The following RFC3 variants were observed in gnomAD, a reference collection of about 807,000 sequenced individuals.
RFC3 encodes replication factor C subunit 3.
In RFC3, 41 loss-of-function variants were observed where a neutral mutation model predicts 45.1. That is an observed-to-expected ratio of 0.91 (90% CI 0.71 to 1.18). RFC3 has a LOEUF of 1.18. Ranked by LOEUF, RFC3 falls within the 50% of genes most tolerant of loss-of-function variation. RFC3 has a pLI of 0.00. For missense variants in RFC3, 423 were observed against 428.1 expected, an observed-to-expected ratio of 0.99 and a Z score of 0.10; for synonymous variants, 149 against 144.0, an observed-to-expected ratio of 1.03 and a Z score of -0.25.
intron 8 of RFC3, chr13:33,846,257 A>C (rs1183293285): frequency 6.6e-6 from 1 of 152,266 alleles, no homozygotes; most frequent in African/African-American, 2.4e-5. Context: ...CAAGACATAC[A>C]GCAAATACTG....
chr13:33,976,940 A>T, the RFC3 span, among the ~76,000 whole-genome samples: 1 of 152,158 alleles, frequency 6.6e-6, no homozygotes, highest in East Asian at 1.9e-4. Context: ...CAGGTAGTCA[A>T]GGTTAGCAAT....
rs189628479 is a variant in RFC3, at chr13:33,936,078, G to A, written c.880-30009G>A. Among the ~76,000 whole-genome samples the A allele has an allele frequency of 5.3e-5, 8 of 152,240 alleles. No individual in the cohort carries two copies. The East Asian group carries it at 7.7e-4, about 15-fold the overall frequency. On this transcript the variant is annotated intron_variant, in intron 8 of 8. Coordinates refer to the RFC3 transcript ENST00000434425. ...AGTGTGTGCACTTGTATGGGATGAC[G>A]GGTTGGGGTGACTGCAGGTGAAGGA...
chr13:33,836,871 A>T lies in RFC3; in HGVS notation c.*576A>T. 2.0e-6 allele frequency: 2 copies of T among 984,428 alleles called. No individual in the cohort carries two copies. The highest frequency in any genetic ancestry group is 2.4e-6 in the Non-Finnish European group (2 of 829,084). The allele number at this position is 984,428 out of a possible 1,614,324, so 61.0% of individuals were successfully genotyped here. A position where few individuals can be genotyped will look rare whatever the true frequency, so the allele number is the denominator to read the frequency against. The stretch of plus-strand genomic sequence containing the variant: ...TTCAGATTAGTATTAGGTCGGTACT[A>T]AGAAATAAGCATGTTTTCACTAATT... On this transcript the variant is annotated 3_prime_UTR_variant, in exon 9 of 9. Transcript: ENST00000380071.
At chr13:33,917,420 C>T (rs1161511886) in intron 8 of RFC3, among the ~76,000 whole-genome samples, 2 of 152,118 alleles carry the variant, frequency 1.3e-5, no homozygotes, top group East Asian at 3.9e-4. Context: ...AATATTGCAG[C>T]ACACGCTGCT....
rs2082682283 is a variant in RFC3 at position 33,908,122 on chromosome 13, A to G, written c.880-57965A>G. On this transcript the variant is annotated intron_variant, in intron 8 of 8. Coordinates refer to the RFC3 transcript ENST00000434425. ...ATTAAACTACTCAAAGAACACCCCA[A>G]AATATTTTCATTAATAAGATTAATA... is the stretch of plus-strand genomic sequence containing the variant. Among the ~76,000 whole-genome samples, 4 of 152,024 alleles carry G rather than the reference A, an allele frequency of 2.6e-5. No individual in the cohort carries two copies. In the South Asian group the frequency reaches 8.3e-4, roughly 32 times the overall value.
chr13:33,823,817 G>C, intron 2 of RFC3, 100 bp from the exon 3 acceptor site: 1 of 583,480 alleles, frequency 1.7e-6, no homozygotes, highest in Non-Finnish European at 3.0e-6. Context: ...GTTATCTCAA[G>C]TTTTACTTTG....
In RFC3 at chr13:33,825,770, T is replaced by C. The variant is rs749099644; in HGVS notation, c.294-19T>C. On this transcript the variant is annotated intron_variant, in intron 3 of 8. Transcript: ENST00000380071. ...AATATTAAGGGCATACTATATACCA[T>C]TATTTTTGTTTTGTGTAGTGATGCT... 2 of 1,495,832 alleles carry C rather than the reference T, an allele frequency of 1.3e-6. No individual in the cohort carries two copies. The highest frequency in any genetic ancestry group is 1.8e-6 in the Non-Finnish European group (2 of 1,090,386). 92.7% of individuals were successfully genotyped at this position (1,495,832 alleles called of 1,614,324 possible).
intron 7 of RFC3, among the ~76,000 whole-genome samples, chr13:33,834,298 G>GTATATATATATATATATATATA (rs58858615): frequency 1.3e-4 from 14 of 109,200 alleles, no homozygotes; most frequent in African/African-American, 5.8e-4. Context: ...TGTACTGTGT[G>GTATATATATATATATATATATA]TATATATATA....
At chr13:33,824,880 G>A (rs960045006) in intron 3 of RFC3, among the ~76,000 whole-genome samples, 10 of 152,092 alleles carry the variant, frequency 6.6e-5, no homozygotes, top group African/African-American at 1.9e-4. Context: ...TTTGATCAAA[G>A]AAACAAAGGG....
intron 7 of RFC3, among the ~76,000 whole-genome samples, chr13:33,834,030 T>G (rs1269017839): frequency 6.6e-6 from 1 of 152,148 alleles, no homozygotes; most frequent in Non-Finnish European, 1.5e-5. Flanking sequence ...TGGTCAGTTC[T>G]GTCAGTTACT....
At chr13:33,926,524 A>C (rs1050499848) in intron 8 of RFC3, among the ~76,000 whole-genome samples, 1 of 152,122 alleles carries the variant, frequency 6.6e-6, no homozygotes, top group Non-Finnish European at 1.5e-5. Flanking sequence ...GTATTAGCCC[A>C]TTCCCAGCAG....
intron 4 of RFC3, among the ~76,000 whole-genome samples, chr13:33,829,386 A>C (rs2082080203): frequency 6.6e-6 from 1 of 152,206 alleles, no homozygotes; most frequent in African/African-American, 2.4e-5. Flanking sequence ...ATTTTGGGGA[A>C]ATGCAGCACA....
chr13:33,841,884 C>T (rs1050206247), downstream of RFC3, among the ~76,000 whole-genome samples: 7 of 152,254 alleles, frequency 4.6e-5, no homozygotes, highest in African/African-American at 1.7e-4. Flanking sequence ...TTCTGGGTCA[C>T]CAGAACTCAA....
chr13:33,963,732 C>T (rs2083071358), intron 8 of RFC3, among the ~76,000 whole-genome samples: 1 of 152,122 alleles, frequency 6.6e-6, no homozygotes, highest in South Asian at 2.1e-4. Flanking sequence ...TCATGTCTCT[C>T]TGTGGAATGA....
intron 8 of RFC3, among the ~76,000 whole-genome samples, chr13:33,917,493 C>G (rs1170635020): frequency 6.6e-6 from 1 of 152,056 alleles, no homozygotes; most frequent in African/African-American, 2.4e-5. Flanking sequence ...CTCCTGTTTC[C>G]TTAGAGTTAA....
intron 8 of RFC3, among the ~76,000 whole-genome samples, chr13:33,870,484 A>G (rs1263282116): frequency 6.6e-6 from 1 of 152,236 alleles, no homozygotes; most frequent in Non-Finnish European, 1.5e-5. Flanking sequence ...AAAAACAGAA[A>G]GGTTGAGAAG....
chr13:33,965,775 A>G (rs1398268210), intron 8 of RFC3, among the ~76,000 whole-genome samples: 1 of 152,152 alleles, frequency 6.6e-6, no homozygotes, highest in Non-Finnish European at 1.5e-5. Context: ...TGTACCTAGC[A>G]CATTTTGAAA....
intron 8 of RFC3, among the ~76,000 whole-genome samples, chr13:33,929,163 AG>A (rs1334066854): frequency 6.6e-6 from 1 of 152,154 alleles, no homozygotes; most frequent in African/African-American, 2.4e-5. Context: ...AGGTAAAGGA[AG>A]TCTGACAGAC....
At chr13:33,964,122 A>G (rs1468147734) in intron 8 of RFC3, among the ~76,000 whole-genome samples, 1 of 152,134 alleles carries the variant, frequency 6.6e-6, no homozygotes, top group African/African-American at 2.4e-5. Context: ...TATGTCCATT[A>G]CCCTAGTTAC....
Sources: gnomAD v4.1 joint callset for allele counts (sites outside exome capture counted in the v4.1 genomes callset) on GRCh38, gnomAD v4.1.1 for gene constraint, MANE v1.5 for transcripts, NCBI Gene and HGNC (gene_info 2026-07-23, HGNC 2026-07-21) for gene names.